The following PARG variants were observed in gnomAD, a reference collection of about 807,000 sequenced individuals.
PARG encodes mitochondrial poly(ADP-ribose) glycohydrolase.
PARG carries 35 observed loss-of-function variants against 113.0 expected under a neutral mutation model. The ratio of observed to expected loss-of-function variants is 0.31; its 90% confidence interval spans 0.24 to 0.41. The LOEUF (loss-of-function observed/expected upper bound fraction) is 0.41. Among genes scored for constraint, PARG ranks in the 10% least tolerant of loss-of-function variants. The pLI is 1.00. For synonymous variants in PARG, 330 were observed against 409.9 expected, an observed-to-expected ratio of 0.81 and a Z score of 2.36; for missense variants, 797 against 1,169.4, an observed-to-expected ratio of 0.68 and a Z score of 4.64.
At chr10:49,836,095 T>C (rs1369442498) in intron 15 of PARG, among the ~76,000 whole-genome samples, 1 of 152,074 alleles carries the variant, frequency 6.6e-6, no homozygotes, top group Non-Finnish European at 1.5e-5. Flanking sequence ...ACAGAACATA[T>C]CTCCATCTTT....
intron 6 of PARG, 49 bp from the exon 7 acceptor site, chr10:49,916,040 T>C (rs1837454812): frequency 2.1e-6 from 2 of 973,462 alleles, no homozygotes; most frequent in Non-Finnish European, 3.2e-6. Context: ...GCCAAGTGAA[T>C]GACCTATGAA....
chr10:49,833,533 C>T (rs1844772876), intron 15 of PARG, among the ~76,000 whole-genome samples: 1 of 152,178 alleles, frequency 6.6e-6, no homozygotes, highest in Non-Finnish European at 1.5e-5. Flanking sequence ...TTTCACAGCT[C>T]TGTTTTAAGC....
chr10:49,840,694 A>C (rs1554832086), intron 15 of PARG, among the ~76,000 whole-genome samples: 9 of 152,230 alleles, frequency 5.9e-5, no homozygotes, highest in Non-Finnish European at 1.3e-4. Flanking sequence ...AATAAATTAG[A>C]TTCTCCCAAA....
chr10:49,941,468 G>A, intron 1 of PARG, 41 bp downstream of exon 1: 1 of 1,422,696 alleles, frequency 7.0e-7, no homozygotes, highest in Non-Finnish European at 9.7e-7. Flanking sequence ...CAGAAGGTTC[G>A]GGCCGAGGCG....
At chr10:49,844,997 T>C (rs1845437340) in intron 13 of PARG, among the ~76,000 whole-genome samples, 1 of 151,924 alleles carries the variant, frequency 6.6e-6, no homozygotes, top group African/African-American at 2.4e-5. Context: ...CCACATAAAA[T>C]ATTGCTCAAC....
intron 6 of PARG, among the ~76,000 whole-genome samples, chr10:49,920,463 A>AAAAATAT (rs1431747248): frequency 7.7e-4 from 37 of 47,970 alleles, no homozygotes; most frequent in African/African-American, 1.8e-3. Flanking sequence ...AAAAAAAAAA[A>AAAAATAT]ATATATATAT....
intron 4 of PARG, among the ~76,000 whole-genome samples, chr10:49,931,799 C>T (rs1242555571): frequency 2.7e-5 from 4 of 148,900 alleles, no homozygotes; most frequent in African/African-American, 5.0e-5. Context: ...GCAGTCAGTA[C>T]ACAATACTAT....
chr10:49,919,353 G>A (rs1837671804), intron 6 of PARG, among the ~76,000 whole-genome samples: 1 of 152,196 alleles, frequency 6.6e-6, no homozygotes, highest in Non-Finnish European at 1.5e-5. Flanking sequence ...AATGGACTCT[G>A]GGTAGTATTC....
At chr10:49,894,337 T>C (rs1847971038) in intron 7 of PARG, among the ~76,000 whole-genome samples, 1 of 152,032 alleles carries the variant, frequency 6.6e-6, no homozygotes, top group Non-Finnish European at 1.5e-5. Context: ...CCAATGCGCC[T>C]GGCATCCCTG....
chr10:49,844,661 T>C (rs1554833022), intron 13 of PARG, among the ~76,000 whole-genome samples: 1 of 144,960 alleles, frequency 6.9e-6, no homozygotes, highest in African/African-American at 2.5e-5. Flanking sequence ...AAAAGAAAAC[T>C]TAAATGGAGA....
chr10:49,932,092 C>G lies in PARG; in HGVS notation c.1455+8G>C. 1.3e-6 allele frequency: 2 copies of G among 1,515,686 alleles called. No individual in the cohort carries two copies. Among genetic ancestry groups the G allele is most frequent in the South Asian group, 2.3e-5 (2 of 88,876 alleles). 93.9% of individuals were successfully genotyped at this position (1,515,686 alleles called of 1,614,324 possible). ...CTTCTCTCATCATAGATAAGAGGTG[C>G]TACCTACCCGAATAGTTACTGTGTG... On this transcript the variant is annotated splice_region_variant and intron_variant, in intron 4 of 17. Transcript: ENST00000616448.
At chr10:49,826,755 C>A (rs144506669) in intron 16 of PARG, among the ~76,000 whole-genome samples, 1 of 152,078 alleles carries the variant, frequency 6.6e-6, no homozygotes, top group Non-Finnish European at 1.5e-5. Flanking sequence ...AGAAGTAATC[C>A]CAATTGGTCA....
chr10:49,862,900 T>C (rs1484024774), intron 11 of PARG, among the ~76,000 whole-genome samples: 3 of 150,072 alleles, frequency 2.0e-5, no homozygotes, highest in African/African-American at 7.4e-5. Flanking sequence ...CCTGTAAGCA[T>C]ACTACTAAAA....
In PARG at chr10:49,915,644, T is replaced by C. The variant is rs192690756; in HGVS notation, c.1737+273A>G. ...ATGTTTGAGAATATAAGAACCATTA[T>C]ATTCTCAAAATCTAATCATGGACTA... On this transcript the variant is annotated intron_variant, in intron 7 of 17. Coordinates refer to ENST00000616448, the MANE Select transcript of PARG (RefSeq NM_003631.5). Among the ~76,000 whole-genome samples, 7 of 152,270 alleles carry C rather than the reference T, an allele frequency of 4.6e-5. No individual in the cohort carries two copies. The East Asian group carries it at 1.3e-3, about 29-fold the overall frequency.
intron 1 of PARG, among the ~76,000 whole-genome samples, chr10:49,938,110 T>C (rs1838836481): frequency 6.6e-6 from 1 of 152,318 alleles, no homozygotes; most frequent in African/African-American, 2.4e-5. Context: ...TAGTCTTGGA[T>C]TGAGATCTTT....
At chr10:49,865,916 G>A (rs1554836814) in intron 10 of PARG, among the ~76,000 whole-genome samples, 3 of 151,062 alleles carry the variant, frequency 2.0e-5, no homozygotes, top group African/African-American at 4.9e-5. Context: ...CACATCCTCT[G>A]GAGTTAGTAC....
intron 1 of PARG, among the ~76,000 whole-genome samples, chr10:49,938,859 A>T (rs1246730806): frequency 6.6e-6 from 1 of 152,216 alleles, no homozygotes; most frequent in African/African-American, 2.4e-5. Flanking sequence ...ATAAAAATTT[A>T]AATACCAAGT....
chr10:49,821,269 G>A (rs782803557), intron 16 of PARG, among the ~76,000 whole-genome samples: 6 of 152,156 alleles, frequency 3.9e-5, no homozygotes, highest in Non-Finnish European at 7.4e-5. Flanking sequence ...TCAATAGATA[G>A]GATTTTAAAT....
chr10:49,941,609 G>A lies in PARG; in HGVS notation c.117C>T (p.Leu39=). The A allele has an allele frequency of 6.3e-7, 1 of 1,582,074 alleles. No homozygotes were observed. The highest frequency in any genetic ancestry group is 2.3e-5 in the East Asian group (1 of 42,698). The change falls in exon 1 of 18, where the codon CTC becomes CTT. Residue 39 remains leucine, a synonymous_variant. Coordinates refer to ENST00000616448, the MANE Select transcript of PARG (RefSeq NM_003631.5). ...RSFPSRQRRV[L]DPKDAHVQFR... ...ACTGCACGTGAGCGTCCTTGGGGTCGAGGACGCGCCTCTGCCTGCTGGGAA... is the reference window on the plus strand; with the variant it reads ...ACTGCACGTGAGCGTCCTTGGGGTCAAGGACGCGCCTCTGCCTGCTGGGAA...
Sources: gnomAD v4.1 joint callset for allele counts (sites outside exome capture counted in the v4.1 genomes callset) on GRCh38, gnomAD v4.1.1 for gene constraint, MANE v1.5 for transcripts, NCBI Gene and HGNC (gene_info 2026-07-23, HGNC 2026-07-21) for gene names.